Variants in ARHGEF4 observed in about 807,000 individuals in gnomAD.
The protein encoded by ARHGEF4 is Rho guanine nucleotide exchange factor 4.
In ARHGEF4, 119 loss-of-function variants were observed where a neutral mutation model predicts 162.0. The observed-to-expected ratio is 0.73, with a 90% confidence interval of 0.63 to 0.86. The LOEUF (loss-of-function observed/expected upper bound fraction) is 0.86, where lower values mean the gene tolerates loss of function less well. Among genes scored for constraint, ARHGEF4 ranks in the 40% least tolerant of loss-of-function variants. ARHGEF4 has a pLI of 0.00. For missense variants in ARHGEF4, 2,488 were observed against 2,456.0 expected (o/e 1.01, Z -0.28); for synonymous variants, 1,014 against 979.9 (o/e 1.03, Z -0.65).
chr2:131,013,417 G>A (rs1361783765), intron 4 of ARHGEF4, among the ~76,000 whole-genome samples: 1 of 152,094 alleles, frequency 6.6e-6, no homozygotes. Context: ...GTGTGCTGAA[G>A]GCCTGATGAT....
chr2:131,039,618 C>A, intron 6 of ARHGEF4: 1 of 1,073,264 alleles, frequency 9.3e-7, no homozygotes, highest in African/African-American at 1.7e-5. Flanking sequence ...GGGAAACTGT[C>A]CACTCCGCAC....
At chr2:130,942,943 T>C (rs1215554662) in intron 3 of ARHGEF4, among the ~76,000 whole-genome samples, 3 of 152,218 alleles carry the variant, frequency 2.0e-5, no homozygotes, top group African/African-American at 7.2e-5. Flanking sequence ...ATTCTACAAA[T>C]GTCAATTAGT....
At chr2:130,994,215 A>G (rs1458339019) in intron 4 of ARHGEF4, among the ~76,000 whole-genome samples, 2 of 152,218 alleles carry the variant, frequency 1.3e-5, no homozygotes, top group African/African-American at 4.8e-5. Context: ...CACAACTAGT[A>G]ATATATTTGG....
chr2:130,982,706 CT>C (rs1435593859), intron 4 of ARHGEF4, among the ~76,000 whole-genome samples: 1 of 151,838 alleles, frequency 6.6e-6, no homozygotes, highest in Non-Finnish European at 1.5e-5. Context: ...TCTTTATAAC[CT>C]TCCTTACCAA....
chr2:130,931,941 T>C (rs1456793365), intron 3 of ARHGEF4, among the ~76,000 whole-genome samples: 2 of 152,222 alleles, frequency 1.3e-5, no homozygotes, highest in Admixed American at 1.3e-4. Context: ...AATGTAGAAT[T>C]AACCATGTTA....
intron 2 of ARHGEF4, among the ~76,000 whole-genome samples, chr2:130,923,292 T>A (rs1356426656): frequency 6.6e-6 from 1 of 152,234 alleles, no homozygotes; most frequent in African/African-American, 2.4e-5. Flanking sequence ...TATCCATCTT[T>A]TCTCTACCCC....
rs751335828 is a variant in ARHGEF4 at position 131,040,075 on chromosome 2, A to G, written c.4365A>G (p.Gly1455=). The G allele has an allele frequency of 5.5e-5, 88 of 1,601,776 alleles. No individual in the cohort carries two copies. Among genetic ancestry groups the G allele is most frequent in the Middle Eastern group, 4.9e-4 (3 of 6,074 alleles). ...DDDAPLAGNS[G]AEDGGAEAQS... is the part of the protein sequence containing the mutation. Reference sequence around the variant, plus strand: ...ACGCCCCTCTGGCCGGGAACAGCGGAGCGGAGGACGGCGGGGCGGAGGCGC... The same window carrying G: ...ACGCCCCTCTGGCCGGGAACAGCGGGGCGGAGGACGGCGGGGCGGAGGCGC... The change falls in exon 7 of 14, where the codon GGA becomes GGG. Residue 1455 remains glycine (G), a synonymous_variant. Transcript: ENST00000409359.
At chr2:130,840,526 C>T (rs766021164) in intron 1 of ARHGEF4, among the ~76,000 whole-genome samples, 1 of 152,088 alleles carries the variant, frequency 6.6e-6, no homozygotes, top group Non-Finnish European at 1.5e-5. Flanking sequence ...GTTGTAGATC[C>T]ATCCAGGTAG....
At chr2:130,930,806 A>G (rs1682582682) in intron 2 of ARHGEF4, 146 bp from the exon 3 acceptor site, 1 of 642,698 alleles carries the variant, frequency 1.6e-6, no homozygotes, top group African/African-American at 1.8e-5. Flanking sequence ...GACTGTGAAC[A>G]AAGTATTTCA....
At chr2:130,931,817 T>G (rs1482674699) in intron 3 of ARHGEF4, among the ~76,000 whole-genome samples, 1 of 152,210 alleles carries the variant, frequency 6.6e-6, no homozygotes, top group Non-Finnish European at 1.5e-5. Context: ...GAGTTTCTTG[T>G]TTTTTCCCTT....
intron 5 of ARHGEF4, 22 bp from the exon 6 acceptor site, chr2:131,038,831 C>T (rs1558888526): frequency 1.9e-6 from 3 of 1,587,526 alleles, no homozygotes; most frequent in Non-Finnish European, 2.6e-6. Flanking sequence ...ACTGACCCGC[C>T]TGCCCGTGGC....
rs185312448 is a variant in ARHGEF4 at position 130,947,479 on chromosome 2, G to T, written c.3985+844G>T. 2.6e-5 allele frequency among the ~76,000 whole-genome samples: 4 copies of T among 152,254 alleles called. No homozygotes were observed. In the East Asian group the frequency reaches 7.7e-4, roughly 29 times the overall value. Reference sequence around the variant, plus strand: ...GAGCAGAACTACTGACTGTCCCTTCGTCTCGTAGTAGGATGTATAACTTCC... The same window carrying T: ...GAGCAGAACTACTGACTGTCCCTTCTTCTCGTAGTAGGATGTATAACTTCC... On this transcript the variant is annotated intron_variant, in intron 4 of 13. Coordinates refer to ENST00000409359, the MANE Select transcript of ARHGEF4 (RefSeq NM_001367493.1).
intron 3 of ARHGEF4, among the ~76,000 whole-genome samples, chr2:130,940,544 A>C (rs1046055408): frequency 6.6e-6 from 1 of 151,688 alleles, no homozygotes; most frequent in Non-Finnish European, 1.5e-5. Context: ...TGGTAGTATG[A>C]AAATTCATGG....
intron 4 of ARHGEF4, among the ~76,000 whole-genome samples, chr2:131,017,862 T>C (rs1424310170): frequency 6.6e-6 from 1 of 152,216 alleles, no homozygotes; most frequent in African/African-American, 2.4e-5. Context: ...ATTTCAGTTG[T>C]CTCCGAGTTG....
At chr2:130,950,536 T>C (rs1026152780) in intron 4 of ARHGEF4, among the ~76,000 whole-genome samples, 1 of 152,206 alleles carries the variant, frequency 6.6e-6, no homozygotes, top group Non-Finnish European at 1.5e-5. Context: ...TAGTTACTAG[T>C]AAAGGATGCT....
chr2:130,837,076 C>T, intron 1 of ARHGEF4, 84 bp downstream of exon 1: 1 of 1,189,422 alleles, frequency 8.4e-7, no homozygotes. Context: ...CTGGCTGCTG[C>T]GCCCCGGGCC....
At chr2:130,912,286 C>T (rs778238296) in intron 1 of ARHGEF4, among the ~76,000 whole-genome samples, 7 of 152,256 alleles carry the variant, frequency 4.6e-5, no homozygotes, top group African/African-American at 9.6e-5. Context: ...ACGGAGGCAG[C>T]GGCCGGAGAC....
chr2:130,929,805 C>A, intron 2 of ARHGEF4: 1 of 179,328 alleles, frequency 5.6e-6, no homozygotes, highest in South Asian at 1.4e-4. Context: ...TCCAGGGCTG[C>A]TCTTGCCAAC....
chr2:130,895,411 A>G (rs1263890854), intron 1 of ARHGEF4, among the ~76,000 whole-genome samples: 2 of 152,198 alleles, frequency 1.3e-5, no homozygotes, highest in African/African-American at 2.4e-5. Flanking sequence ...TTGTGTGAAC[A>G]TAGGTTTCAC....
Sources: allele counts gnomAD v4.1 joint callset (sites outside exome capture counted in the v4.1 genomes callset), GRCh38; gene constraint gnomAD v4.1.1; transcripts MANE v1.5; gene names NCBI Gene and HGNC (gene_info 2026-07-23, HGNC 2026-07-21).